Variants in EYS observed in about 807,000 individuals in gnomAD.
EYS encodes protein eyes shut homolog.
A neutral mutation model predicts 282.1 loss-of-function variants in EYS; 250 were observed. The ratio of observed to expected loss-of-function variants is 0.89; its 90% CI spans 0.80 to 0.98. The LOEUF (loss-of-function observed/expected upper bound fraction) is 0.98, where lower values mean the gene tolerates loss of function less well. EYS is among the 50% of genes least tolerant of loss of function. EYS has a pLI of 0.00. For synonymous variants in EYS, 1,355 were observed against 1,282.9 expected (o/e 1.06, Z -1.20); for missense variants, 4,016 against 3,709.0 (o/e 1.08, Z -2.15).
rs541047964 is a variant in EYS at position 65,218,698 on chromosome 6, C to T, written c.2023+77165G>A. On this transcript the variant is annotated intron_variant, in intron 12 of 42. Coordinates refer to ENST00000503581, the MANE Select transcript of EYS (RefSeq NM_001142800.2). ...CTCAAGATTTGTGAGAAAGACAAAT[C>T]GTTACAGTTCTAAATCACCAAACTT... Among the ~76,000 whole-genome samples the T allele has an allele frequency of 2.0e-4, 30 of 152,122 alleles. No individual in the cohort carries two copies. In the South Asian group the frequency reaches 5.6e-3, roughly 28 times the overall value.
chr6:64,331,255 T>G (rs896514834), intron 29 of EYS, among the ~76,000 whole-genome samples: 1 of 152,034 alleles, frequency 6.6e-6, no homozygotes, highest in Non-Finnish European at 1.5e-5. Context: ...GATTATTAAC[T>G]ACTGAAGGAA....
At chr6:65,430,732 C>T (rs1767852177) in intron 5 of EYS, among the ~76,000 whole-genome samples, 1 of 152,176 alleles carries the variant, frequency 6.6e-6, no homozygotes, top group Non-Finnish European at 1.5e-5. Flanking sequence ...CATGAGGCCC[C>T]TGTTCCAGGC....
chr6:65,445,439 CT>C (rs147834007), intron 5 of EYS, among the ~76,000 whole-genome samples: 39 of 151,428 alleles, frequency 2.6e-4, no homozygotes, highest in Non-Finnish European at 2.1e-4. Flanking sequence ...AATTTTACCA[CT>C]TTTTTTTAAA....
intron 35 of EYS, among the ~76,000 whole-genome samples, chr6:63,952,814 C>A (rs1002265390): frequency 6.6e-6 from 1 of 152,092 alleles, no homozygotes; most frequent in African/African-American, 2.4e-5. Flanking sequence ...ACTGATCATG[C>A]AACCTTACCA....
At chr6:65,074,395 T>C (rs1034347706) in intron 12 of EYS, among the ~76,000 whole-genome samples, 3 of 151,984 alleles carry the variant, frequency 2.0e-5, no homozygotes, top group Admixed American at 1.3e-4. Flanking sequence ...CATGGCATAA[T>C]CTTGCCTGTT....
intron 2 of EYS, among the ~76,000 whole-genome samples, chr6:65,502,112 T>C (rs890520650): frequency 6.6e-6 from 1 of 151,760 alleles, no homozygotes; most frequent in African/African-American, 2.4e-5. Flanking sequence ...TGACCTGTCA[T>C]TGAAATTAAG....
chr6:65,501,492 C>T (rs1279133194), intron 2 of EYS, among the ~76,000 whole-genome samples: 1 of 151,544 alleles, frequency 6.6e-6, no homozygotes, highest in Non-Finnish European at 1.5e-5. Context: ...TTATCGTTGC[C>T]ATTATACAGT....
At chr6:64,886,618 T>C (rs570907562) in intron 19 of EYS, 79 bp downstream of exon 19, 1 of 1,197,456 alleles carries the variant, frequency 8.4e-7, no homozygotes, top group African/African-American at 1.6e-5. Context: ...TTATTTCAGG[T>C]TTTGGAGTAT....
At chr6:65,004,170 T>A (rs1395757306) in intron 13 of EYS, among the ~76,000 whole-genome samples, 2 of 147,592 alleles carry the variant, frequency 1.4e-5, no homozygotes, top group African/African-American at 2.4e-5. Flanking sequence ...TGAATATTTT[T>A]AAAAATTCTA....
At chr6:63,899,166 A>G (rs764304649) in intron 35 of EYS, among the ~76,000 whole-genome samples, 2 of 152,230 alleles carry the variant, frequency 1.3e-5, no homozygotes, top group African/African-American at 2.4e-5. Context: ...ATTTCAAACA[A>G]GTACCTTTAA....
chr6:65,087,821 T>C (rs1024915326), intron 12 of EYS, among the ~76,000 whole-genome samples: 2 of 152,192 alleles, frequency 1.3e-5, no homozygotes, highest in Non-Finnish European at 2.9e-5. Context: ...CTCAATGATA[T>C]GGTTTGACTC....
intron 36 of EYS, among the ~76,000 whole-genome samples, chr6:63,859,116 G>A (rs1262656764): frequency 1.2e-5 from 1 of 82,344 alleles, no homozygotes; most frequent in African/African-American, 5.9e-5. Context: ...TTTTTTAATA[G>A]CTGGGATGGA....
chr6:63,762,699 G>C, intron 40 of EYS, 66 bp from the exon 41 acceptor site: 1 of 1,358,904 alleles, frequency 7.4e-7, no homozygotes, highest in Non-Finnish European at 1.0e-6. Context: ...ACTATGTATT[G>C]CCCTGATGCT....
chr6:65,011,442 G>A (rs1305145468), intron 13 of EYS, among the ~76,000 whole-genome samples: 2 of 152,160 alleles, frequency 1.3e-5, no homozygotes, highest in Admixed American at 6.5e-5. Context: ...CCCAAATGCA[G>A]TCCATGACTA....
At chr6:63,827,303 C>A (rs1274079200) in intron 36 of EYS, among the ~76,000 whole-genome samples, 2 of 152,122 alleles carry the variant, frequency 1.3e-5, no homozygotes, top group East Asian at 1.9e-4. Context: ...AGAAATGAGA[C>A]AGTCAGCAAC....
intron 5 of EYS, among the ~76,000 whole-genome samples, chr6:65,464,379 T>G (rs1764922636): frequency 6.6e-6 from 1 of 152,162 alleles, no homozygotes; most frequent in African/African-American, 2.4e-5. Flanking sequence ...AATTACACTG[T>G]CTGGCTTAAA....
At chr6:65,566,436 C>T (rs1246766664) in intron 2 of EYS, among the ~76,000 whole-genome samples, 2 of 152,004 alleles carry the variant, frequency 1.3e-5, no homozygotes, top group South Asian at 2.1e-4. Context: ...GAGCCTTGAA[C>T]CAACAATCAG....
chr6:64,217,369 A>G (rs1364665112), intron 31 of EYS, among the ~76,000 whole-genome samples: 2 of 152,088 alleles, frequency 1.3e-5, no homozygotes, highest in Non-Finnish European at 2.9e-5. Flanking sequence ...TCTCTACTAA[A>G]AATACAAAAA....
chr6:63,741,103 T>C (rs2149642077), intron 41 of EYS, among the ~76,000 whole-genome samples: 1 of 152,310 alleles, frequency 6.6e-6, no homozygotes, highest in Non-Finnish European at 1.5e-5. Flanking sequence ...GCTTCAGGGA[T>C]GGTCAGAGTA....
Sources: allele counts gnomAD v4.1 joint callset (sites outside exome capture counted in the v4.1 genomes callset), GRCh38; gene constraint gnomAD v4.1.1; transcripts MANE v1.5; gene names NCBI Gene and HGNC (gene_info 2026-07-23, HGNC 2026-07-21).